Variants in MACF1 observed in about 807,000 individuals in gnomAD.
The protein encoded by MACF1 is microtubule actin crosslinking factor 1.
Under a neutral mutation model 854.8 loss-of-function variants are expected in MACF1, and 193 were observed. The ratio of observed to expected loss-of-function variants is 0.23; its 90% CI spans 0.20 to 0.25. The LOEUF (loss-of-function observed/expected upper bound fraction) is 0.25. Among genes scored for constraint, MACF1 ranks in the 10% least tolerant of loss-of-function variants. MACF1 has a pLI of 1.00. For missense variants in MACF1, 7,722 were observed against 8,929.1 expected (o/e 0.86, Z 5.45); for synonymous variants, 3,185 against 3,226.7 (o/e 0.99, Z 0.44).
chr1:39,190,628 C>T (rs926815911), intron 2 of MACF1, among the ~76,000 whole-genome samples: 11 of 151,928 alleles, frequency 7.2e-5, no homozygotes, highest in South Asian at 6.2e-4. Context: ...CGTGAGCCAC[C>T]GCCTTGTGCT....
At chr1:39,413,996 C>G (rs1387152025) in intron 58 of MACF1, 4 of 1,607,494 alleles carry the variant, frequency 2.5e-6, no homozygotes, top group Middle Eastern at 1.7e-4. Context: ...CCCACCTCCC[C>G]AGCAGCAGCA....
intron 2 of MACF1, among the ~76,000 whole-genome samples, chr1:39,106,428 G>A (rs1318074018): frequency 2.0e-5 from 3 of 152,146 alleles, no homozygotes; most frequent in African/African-American, 7.2e-5. Flanking sequence ...TGGGTGTATG[G>A]GGAGAAAGTT....
chr1:39,170,316 G>A (rs1008067114), intron 2 of MACF1, among the ~76,000 whole-genome samples: 2 of 152,080 alleles, frequency 1.3e-5, no homozygotes, highest in African/African-American at 4.8e-5. Context: ...ACGGTGCCTC[G>A]CTCATGCCTA....
At chr1:39,088,236 T>A (rs1641724061) in intron 2 of MACF1, among the ~76,000 whole-genome samples, 1 of 152,092 alleles carries the variant, frequency 6.6e-6, no homozygotes. Context: ...CCTCCCAAAG[T>A]CCTGGGATTA....
chr1:39,092,100 T>C (rs260964), intron 2 of MACF1, among the ~76,000 whole-genome samples: 104,380 of 152,058 alleles, frequency 0.69, 36,853 homozygotes, highest in East Asian at 0.99. Flanking sequence ...GCAATGATAG[T>C]ATTTCTTCTG....
At chr1:39,485,356 C>A (rs1021569030) in intron 100 of MACF1, 182 bp from the exon 101 acceptor site, 2 of 662,368 alleles carry the variant, frequency 3.0e-6, no homozygotes, top group African/African-American at 3.7e-5. Context: ...GGCAGCTTCT[C>A]AAGTAGAATC....
rs56794676 is a variant in MACF1 at position 39,444,602 on chromosome 1, A to T, written c.19432-60A>T. 5.6e-5 allele frequency: 81 copies of T among 1,459,348 alleles called. 1 individual carries two copies. The highest frequency in any genetic ancestry group is 3.6e-4 in the African/African-American group (26 of 71,260). 90.4% of individuals were successfully genotyped at this position (1,459,348 alleles called of 1,614,324 possible). A position where few individuals can be genotyped will look rare whatever the true frequency, so the allele number is the denominator to read the frequency against. ...TTTCCCAGACTCTGCTACAGAATCT[A>T]TATGTAGGTGTCTTCCAGAGAATTC... On this transcript the variant is annotated intron_variant, in intron 79 of 100. Coordinates refer to ENST00000564288, the MANE Select transcript of MACF1 (RefSeq NM_001394062.1).
chr1:39,281,336 G>A (rs779836568), intron 6 of MACF1, among the ~76,000 whole-genome samples: 2 of 152,022 alleles, frequency 1.3e-5, no homozygotes, highest in Non-Finnish European at 2.9e-5. Flanking sequence ...AGGTGCGTGT[G>A]TATGCCTTGT....
rs184318097 is a variant in MACF1, at chr1:39,485,463, C to T, written c.22412-75C>T. On this transcript the variant is annotated intron_variant, in intron 100 of 100. Transcript: ENST00000564288. The stretch of plus-strand genomic sequence containing the variant: ...TGCTTAAGATCACACAGGATCAGAA[C>T]CCTAGCTTCTGCTCACTTGTTCTTC... 96 of 1,440,304 alleles carry T rather than the reference C, an allele frequency of 6.7e-5. No individual in the cohort carries two copies. The Admixed American group carries it at 2.0e-3, about 31-fold the overall frequency. The allele number at this position is 1,440,304 out of a possible 1,614,324, so 89.2% of individuals were successfully genotyped here.
intron 4 of MACF1, among the ~76,000 whole-genome samples, chr1:39,253,394 A>G (rs1645063589): frequency 6.6e-6 from 1 of 151,592 alleles, no homozygotes; most frequent in Admixed American, 6.6e-5. Context: ...AGTGGCAGCT[A>G]TGTTCCTGGG....
At position 39,105,592 on chromosome 1, in the gene MACF1, C is replaced by T. The variant is rs1252125936; in HGVS notation, c.220+21154C>T. 5.0e-6 allele frequency: 6 copies of T among 1,209,172 alleles called. No individual in the cohort carries two copies. In the East Asian group the frequency reaches 4.7e-4, roughly 94 times the overall value. 74.9% of individuals were successfully genotyped at this position (1,209,172 alleles called of 1,614,324 possible). ...GCGCGGGCCTGGAACCGGCAGCCCC[C>T]GGGGCTCGGCGAGAAGGCGGTGCGG... On this transcript the variant is annotated intron_variant, in intron 2 of 93. Transcript: ENST00000361689. The surrounding 1 kb of genome is among the most constrained non-coding windows in gnomAD (Gnocchi z 5.9).
At chr1:39,093,578 C>T (rs112998913) in intron 2 of MACF1, among the ~76,000 whole-genome samples, 11,820 of 150,170 alleles carry the variant, frequency 0.079, 551 homozygotes, top group Non-Finnish European at 0.095. Flanking sequence ...TTCTGCCTGC[C>T]GGGTTCAAGT....
chr1:39,220,030 C>G lies in MACF1; in HGVS notation c.110-11152C>G, dbSNP rs556315222. 4.8e-4 allele frequency among the ~76,000 whole-genome samples: 72 copies of G among 150,904 alleles called. No homozygotes were observed. The South Asian group carries it at 6.5e-3, about 14-fold the overall frequency. Reference sequence around the variant, plus strand: ...CCTCCCAAAGTGCTGGGATGGCAGGCGTGAGAGCCACAGTGCCTGGCCTGA... The same window carrying G: ...CCTCCCAAAGTGCTGGGATGGCAGGGGTGAGAGCCACAGTGCCTGGCCTGA... On this transcript the variant is annotated intron_variant, in intron 1 of 100. Coordinates refer to ENST00000564288, the MANE Select transcript of MACF1 (RefSeq NM_001394062.1).
intron 41 of MACF1, among the ~76,000 whole-genome samples, chr1:39,347,917 A>T (rs893774283): frequency 6.7e-6 from 1 of 149,024 alleles, no homozygotes; most frequent in African/African-American, 2.6e-5. Flanking sequence ...GCAAAGCTCA[A>T]CTCAACATAA....
At chr1:39,343,712 G>C (rs1410957569) in intron 40 of MACF1, among the ~76,000 whole-genome samples, 1 of 152,208 alleles carries the variant, frequency 6.6e-6, no homozygotes, top group Non-Finnish European at 1.5e-5. Context: ...AAATCCATGT[G>C]AGTCTGCAGC....
chr1:39,190,211 T>C (rs760934210), intron 2 of MACF1, among the ~76,000 whole-genome samples: 1 of 152,098 alleles, frequency 6.6e-6, no homozygotes, highest in African/African-American at 2.4e-5. Flanking sequence ...AATATCTTTT[T>C]GGTTTTAGTA....
intron 52 of MACF1, among the ~76,000 whole-genome samples, chr1:39,376,598 C>CT (rs1649743198): frequency 6.6e-6 from 1 of 152,136 alleles, no homozygotes; most frequent in African/African-American, 2.4e-5. Context: ...AGTCCAGTTT[C>CT]TTTTTTTGCA....
At chr1:39,262,676 GT>G (rs1224520011) in intron 6 of MACF1, among the ~76,000 whole-genome samples, 13 of 152,058 alleles carry the variant, frequency 8.5e-5, no homozygotes, top group Admixed American at 1.3e-4. Flanking sequence ...TCTTTTTCCT[GT>G]TACCAATTTT....
intron 58 of MACF1, among the ~76,000 whole-genome samples, chr1:39,419,839 G>A (rs181709127): frequency 0.014 from 2,031 of 149,238 alleles, 35 homozygotes; most frequent in African/African-American, 0.048. Context: ...GTGTGTGTGT[G>A]TGTATTTTTA....
Sources: gnomAD v4.1 joint callset for allele counts (sites outside exome capture counted in the v4.1 genomes callset) on GRCh38, gnomAD v4.1.1 for gene constraint, Gnocchi (gnomAD v3.1) non-coding constraint, MANE v1.5 for transcripts, NCBI Gene and HGNC (gene_info 2026-07-23, HGNC 2026-07-21) for gene names.